ASTN2: variants seen among roughly 807,000 people sequenced by gnomAD.
The protein encoded by ASTN2 is astrotactin-2.
ASTN2 carries 54 observed loss-of-function variants against 139.8 expected under a neutral mutation model. The ratio of observed to expected loss-of-function variants is 0.39; its 90% CI spans 0.31 to 0.48. ASTN2 has a LOEUF of 0.48. Among genes scored for constraint, ASTN2 ranks in the 20% least tolerant of loss-of-function variants. The pLI is 0.95. For synonymous variants in ASTN2, 756 were observed against 719.5 expected (o/e 1.05, Z -0.81); for missense variants, 1,565 against 1,725.1 (o/e 0.91, Z 1.64).
chr9:117,351,931 T>C (rs1195152389), intron 1 of ASTN2, among the ~76,000 whole-genome samples: 1 of 152,040 alleles, frequency 6.6e-6, no homozygotes, highest in Admixed American at 6.6e-5. Context: ...GTCACGTGAG[T>C]TTATTAAATG....
At chr9:116,564,873 C>T (rs1179534851) in intron 19 of ASTN2, among the ~76,000 whole-genome samples, 1 of 152,064 alleles carries the variant, frequency 6.6e-6, no homozygotes, top group Non-Finnish European at 1.5e-5. Context: ...TACACAGATT[C>T]AGTTTCTTAA....
chr9:117,137,402 C>T (rs10983542), intron 4 of ASTN2, among the ~76,000 whole-genome samples: 34,639 of 152,034 alleles, frequency 0.23, 4,060 homozygotes, highest in South Asian at 0.28. Flanking sequence ...CCAGGCAGCC[C>T]ACGGCAACCT....
At chr9:116,651,879 C>T in intron 16 of ASTN2, 86 bp from the exon 17 acceptor site, 2 of 1,484,588 alleles carry the variant, frequency 1.3e-6, no homozygotes, top group Non-Finnish European at 1.8e-6. Flanking sequence ...AATACAGATG[C>T]TAAGAAGCTG....
At chr9:117,042,873 C>T (rs1041941010) in intron 5 of ASTN2, among the ~76,000 whole-genome samples, 3 of 151,788 alleles carry the variant, frequency 2.0e-5, no homozygotes, top group African/African-American at 7.3e-5. Context: ...TTTTGTTTTG[C>T]TTGTTTGCTT....
intron 16 of ASTN2, among the ~76,000 whole-genome samples, chr9:116,659,045 T>A (rs1330262950): frequency 6.6e-6 from 1 of 152,128 alleles, no homozygotes; most frequent in East Asian, 1.9e-4. Flanking sequence ...AGTAAACATA[T>A]CACAAAGAGT....
intron 11 of ASTN2, among the ~76,000 whole-genome samples, chr9:116,840,328 T>TC (rs960901463): frequency 1.3e-5 from 2 of 150,386 alleles, no homozygotes; most frequent in African/African-American, 4.9e-5. Context: ...TCCTCACCTT[T>TC]CCCCCCTTTC....
chr9:117,299,737 G>A (rs1352188013), intron 1 of ASTN2, among the ~76,000 whole-genome samples: 1 of 152,174 alleles, frequency 6.6e-6, no homozygotes, highest in Admixed American at 6.5e-5. Flanking sequence ...GAGCTCAGAG[G>A]TTAATAAAGC....
chr9:117,025,017 G>T (rs7859044), intron 6 of ASTN2, among the ~76,000 whole-genome samples: 7,695 of 152,110 alleles, frequency 0.051, 497 homozygotes, highest in African/African-American at 0.15. Context: ...TGCCATGATT[G>T]TGAGGCCTCC....
chr9:117,252,717 G>C (rs1345033414), intron 2 of ASTN2, among the ~76,000 whole-genome samples: 3 of 152,228 alleles, frequency 2.0e-5, no homozygotes, highest in Non-Finnish European at 4.4e-5. Context: ...CTGAAGCTCA[G>C]TGAGGTTTAG....
At chr9:116,434,918 T>A (rs1847603663) in intron 22 of ASTN2, among the ~76,000 whole-genome samples, 1 of 152,180 alleles carries the variant, frequency 6.6e-6, no homozygotes, top group South Asian at 2.1e-4. Context: ...TGGGGATATA[T>A]GACCACAGAT....
chr9:116,644,811 C>A (rs888989589), intron 17 of ASTN2, among the ~76,000 whole-genome samples: 3 of 152,258 alleles, frequency 2.0e-5, no homozygotes, highest in African/African-American at 7.2e-5. Flanking sequence ...TCACAGGATG[C>A]CTCTTCCAAC....
chr9:117,346,817 A>G (rs1299294569), intron 1 of ASTN2, among the ~76,000 whole-genome samples: 1 of 152,082 alleles, frequency 6.6e-6, no homozygotes, highest in African/African-American at 2.4e-5. Flanking sequence ...GCTAACCTCA[A>G]TATATTCATT....
At position 116,651,778 on chromosome 9, in the gene ASTN2, C is replaced by T. The variant is rs1386897607; in HGVS notation, c.2822G>A (p.Gly941Asp). Residue 941 changes from glycine to aspartate, a missense_variant, in exon 17 of 23, where the codon GGC becomes GAC. Around this residue, in one of 4 missense-constraint regions of ASTN2, gnomAD observed 48 missense variants for 90.7 expected, o/e 0.53. Coordinates refer to ENST00000313400, the MANE Select transcript of ASTN2 (RefSeq NM_001365068.1). ...CATGGACTTGAGCTCCTTCTTGCTG[C>T]CCAGCTCTGTGGTCTCTGGAGAGGC... ...LQYQKETTELGSKKELKSMPF... is the reference protein window; with the variant it reads ...LQYQKETTELDSKKELKSMPF... 2 of 1,613,734 alleles carry T rather than the reference C, an allele frequency of 1.2e-6. No individual in the cohort carries two copies. Among genetic ancestry groups the T allele is most frequent in the Non-Finnish European group, 1.7e-6 (2 of 1,179,740 alleles).
chr9:116,627,775 A>C (rs1324830209), intron 17 of ASTN2, among the ~76,000 whole-genome samples: 1 of 152,226 alleles, frequency 6.6e-6, no homozygotes. Context: ...ACTGAAGTAG[A>C]GAATATTAAT....
rs143755734 is a variant in ASTN2, at chr9:116,428,845, A to G, written c.3783-2757T>C. ...GAAATAATAACTGTATCTACCATAAAGTGTTATTTTTTAAATAAAAAATTA... is the reference window on the plus strand; with the variant it reads ...GAAATAATAACTGTATCTACCATAAGGTGTTATTTTTTAAATAAAAAATTA... On this transcript the variant is annotated intron_variant, in intron 22 of 22. Transcript: ENST00000313400. Among the ~76,000 whole-genome samples the G allele has an allele frequency of 2.6e-3, 393 of 152,336 alleles. 3 individuals are homozygous for G. Among genetic ancestry groups the G allele is most frequent in the African/African-American group, 9.0e-3 (375 of 41,570 alleles).
At chr9:116,617,404 T>C (rs1054358514) in intron 19 of ASTN2, among the ~76,000 whole-genome samples, 2 of 152,206 alleles carry the variant, frequency 1.3e-5, no homozygotes, top group African/African-American at 2.4e-5. Flanking sequence ...AATTTAACTA[T>C]GACTAACACA....
intron 11 of ASTN2, among the ~76,000 whole-genome samples, chr9:116,838,356 C>A (rs917396046): frequency 3.9e-5 from 6 of 151,962 alleles, no homozygotes; most frequent in South Asian, 2.1e-4. Context: ...GTGATCCGCC[C>A]GCCTCAGCAC....
chr9:116,864,403 G>C (rs969448781), intron 10 of ASTN2, among the ~76,000 whole-genome samples: 1 of 152,124 alleles, frequency 6.6e-6, no homozygotes, highest in Non-Finnish European at 1.5e-5. Flanking sequence ...TTGTTGGAAA[G>C]GTCATGGGAT....
chr9:116,999,384 G>A (rs1588469519), intron 7 of ASTN2, among the ~76,000 whole-genome samples: 1 of 152,040 alleles, frequency 6.6e-6, no homozygotes, highest in Admixed American at 6.6e-5. Flanking sequence ...TGCACTAAAA[G>A]TATGTCCCCA....
Sources: gnomAD v4.1 joint callset for allele counts (sites outside exome capture counted in the v4.1 genomes callset) on GRCh38, gnomAD v4.1.1 for gene constraint, gnomAD v4.1.1 regional missense constraint, MANE v1.5 for transcripts, NCBI Gene and HGNC (gene_info 2026-07-23, HGNC 2026-07-21) for gene names.